The following PKP2 variants were observed in gnomAD, a reference collection of about 807,000 sequenced individuals.
The protein encoded by PKP2 is plakophilin-2.
Under a neutral mutation model 83.4 loss-of-function variants are expected in PKP2, and 73 were observed. The observed-to-expected ratio is 0.88, with a 90% CI of 0.72 to 1.06. The LOEUF is 1.06. Ranked by LOEUF, PKP2 falls within the 50% of genes least tolerant of loss-of-function variation. PKP2 has a pLI of 0.00. For synonymous variants in PKP2, 409 were observed against 430.4 expected (o/e 0.95, Z 0.62); for missense variants, 966 against 1,065.4 (o/e 0.91, Z 1.30).
At chr12:32,816,012 C>T (rs1329266296) in intron 9 of PKP2, among the ~76,000 whole-genome samples, 1 of 152,146 alleles carries the variant, frequency 6.6e-6, no homozygotes, top group Non-Finnish European at 1.5e-5. Flanking sequence ...TTGCAAATAA[C>T]ACTTCTAATT....
chr12:32,884,835 T>C (rs1957016930), intron 1 of PKP2, among the ~76,000 whole-genome samples: 1 of 151,920 alleles, frequency 6.6e-6, no homozygotes, highest in Admixed American at 6.6e-5. Context: ...GGACTTTTTC[T>C]GGTGACTTCT....
At chr12:32,874,073 C>G (rs1216645361) in intron 3 of PKP2, among the ~76,000 whole-genome samples, 1 of 152,180 alleles carries the variant, frequency 6.6e-6, no homozygotes, top group Non-Finnish European at 1.5e-5. Context: ...TTTAACCAGC[C>G]ATTCTTCTTT....
At chr12:32,822,718 C>T (rs1234409214) in intron 7 of PKP2, 87 bp from the exon 8 acceptor site, 3 of 1,435,696 alleles carry the variant, frequency 2.1e-6, no homozygotes, top group Admixed American at 1.7e-5. Flanking sequence ...TTAGCTCTTA[C>T]AAGGTTTACC....
rs527736735 is a variant in PKP2, at chr12:32,796,317, A to T, written c.2168-19T>A. ...TCTTTGGCTACAAAATGAAAAAAAA[A>T]ACAAAACACTTGATTAAAAAGATTG... On this transcript the variant is annotated intron_variant, in intron 10 of 12. Transcript: ENST00000340811. 526 of 1,526,520 alleles carry T rather than the reference A, an allele frequency of 3.4e-4. 6 individuals carry two copies. In the African/African-American group the frequency reaches 6.7e-3, roughly 19 times the overall value. The allele number at this position is 1,526,520 out of a possible 1,614,324, so 94.6% of individuals were successfully genotyped here. A position where few individuals can be genotyped will look rare whatever the true frequency, so the allele number is the denominator to read the frequency against.
chr12:32,816,297 C>T (rs903820796), intron 9 of PKP2, among the ~76,000 whole-genome samples: 1 of 152,066 alleles, frequency 6.6e-6, no homozygotes, highest in Admixed American at 6.6e-5. Context: ...CATGAGTAAC[C>T]ATGGTTTAAC....
chr12:32,802,332 T>C, intron 10 of PKP2, 71 bp downstream of exon 10: 7 of 1,487,682 alleles, frequency 4.7e-6, no homozygotes, highest in Non-Finnish European at 6.5e-6. Context: ...CGGGAGGTGA[T>C]ACAGACAACA....
chr12:32,833,570 C>G (rs1451802569), intron 6 of PKP2, among the ~76,000 whole-genome samples: 1 of 152,078 alleles, frequency 6.6e-6, no homozygotes, highest in East Asian at 1.9e-4. Flanking sequence ...GACAACTCCC[C>G]ACTCCAGCTA....
chr12:32,889,582 C>G (rs577233263), intron 1 of PKP2, among the ~76,000 whole-genome samples: 2 of 152,266 alleles, frequency 1.3e-5, no homozygotes, highest in South Asian at 2.1e-4. Context: ...TACACAAATT[C>G]AGTTTGCGCT....
At chr12:32,818,939 A>G (rs1471797073) in intron 9 of PKP2, among the ~76,000 whole-genome samples, 1 of 152,206 alleles carries the variant, frequency 6.6e-6, no homozygotes, top group Non-Finnish European at 1.5e-5. Flanking sequence ...GTATTATTAA[A>G]AAAACACATA....
At position 32,896,544 on chromosome 12, in the gene PKP2, G is replaced by T; in HGVS notation, c.188C>A (p.Thr63Asn). The T allele has an allele frequency of 6.3e-7, 1 of 1,577,562 alleles. No homozygotes were observed. ...GGAGCTGCGGCCCTTCCGGGCGAGG[G>T]TCTGCTGCACCTGCTCCTGGATCCG... is the stretch of plus-strand genomic sequence containing the variant. ...SLRIQEQVQQ[T>N]LARKGRSSVG... is the part of the protein sequence containing the mutation. The change falls in exon 1 of 13, where the codon ACC becomes AAC. Residue 63 changes from threonine (T) to asparagine (N), a missense_variant. Physicochemically the swap from Thr to Asn is moderately conservative, Grantham distance 65. Coordinates refer to ENST00000340811, the MANE Select transcript of PKP2 (RefSeq NM_001005242.3).
At chr12:32,833,721 G>A (rs1956521006) in intron 6 of PKP2, among the ~76,000 whole-genome samples, 1 of 152,130 alleles carries the variant, frequency 6.6e-6, no homozygotes, top group Admixed American at 6.5e-5. Context: ...TGAAGTTTAT[G>A]CCATTTGTAG....
At chr12:32,888,146 C>T (rs1414335282) in intron 1 of PKP2, among the ~76,000 whole-genome samples, 1 of 152,172 alleles carries the variant, frequency 6.6e-6, no homozygotes, top group African/African-American at 2.4e-5. Context: ...GCACTCCAGC[C>T]TGGGCAACAG....
chr12:32,793,087 A>AGCCTCCC (rs1327768231), intron 11 of PKP2, among the ~76,000 whole-genome samples: 1 of 152,144 alleles, frequency 6.6e-6, no homozygotes, highest in African/African-American at 2.4e-5. Flanking sequence ...CTAAAAATAC[A>AGCCTCCC]AAATCTAGCT....
chr12:32,826,408 C>T (rs1956442863), intron 6 of PKP2, among the ~76,000 whole-genome samples: 1 of 151,278 alleles, frequency 6.6e-6, no homozygotes, highest in African/African-American at 2.4e-5. Flanking sequence ...ACTCTGGAAA[C>T]TGACAAAACC....
At chr12:32,803,124 C>T (rs902615159) in intron 9 of PKP2, among the ~76,000 whole-genome samples, 2 of 151,974 alleles carry the variant, frequency 1.3e-5, no homozygotes, top group South Asian at 2.1e-4. Flanking sequence ...AATCCCAGCA[C>T]TTTGGGAGGC....
intron 4 of PKP2, among the ~76,000 whole-genome samples, chr12:32,864,700 G>T (rs1323091712): frequency 6.6e-6 from 1 of 152,158 alleles, no homozygotes; most frequent in African/African-American, 2.4e-5. Flanking sequence ...AAATGGAACT[G>T]CTGAAGTTGT....
In PKP2 at chr12:32,884,864, G is replaced by A. The variant is rs139394885; in HGVS notation, c.224-5832C>T. 5.5e-3 allele frequency among the ~76,000 whole-genome samples: 829 copies of A among 151,876 alleles called. 28 individuals are homozygous for A. Among genetic ancestry groups the A allele is most frequent in the Non-Finnish European group, 2.0e-3 (133 of 67,960 alleles). On this transcript the variant is annotated intron_variant, in intron 1 of 12. Coordinates refer to ENST00000340811, the MANE Select transcript of PKP2 (RefSeq NM_001005242.3). ...GACTTCTGATTGACCCGTCACTGAG[G>A]AGCACGATGATATTACTGTGTTTTC...
chr12:32,896,382 A>C, intron 1 of PKP2, 127 bp downstream of exon 1: 1 of 661,696 alleles, frequency 1.5e-6, no homozygotes, highest in Non-Finnish European at 2.4e-6. Flanking sequence ...CATACCGAAG[A>C]CGGCGAGCAA....
chr12:32,895,657 A>G (rs1208956806), intron 1 of PKP2, among the ~76,000 whole-genome samples: 1 of 152,214 alleles, frequency 6.6e-6, no homozygotes, highest in Non-Finnish European at 1.5e-5. Flanking sequence ...AGGGGAGAAA[A>G]GGATACATCA....
Sources: allele counts gnomAD v4.1 joint callset (sites outside exome capture counted in the v4.1 genomes callset), GRCh38; gene constraint gnomAD v4.1.1; transcripts MANE v1.5; gene names NCBI Gene and HGNC (gene_info 2026-07-23, HGNC 2026-07-21).